NEK5: variants seen among roughly 807,000 people sequenced by gnomAD.
NEK5 encodes the protein NIMA related kinase 5.
In NEK5, 88 loss-of-function variants were observed where a neutral mutation model predicts 109.2. That is an observed-to-expected ratio of 0.81 (90% CI 0.68 to 0.96). The LOEUF is 0.96. NEK5 is among the 40% of genes least tolerant of loss of function. NEK5 has a pLI of 0.00. For synonymous variants in NEK5, 283 were observed against 299.9 expected, an observed-to-expected ratio of 0.94 and a Z score of 0.58; for missense variants, 834 against 920.7, an observed-to-expected ratio of 0.91 and a Z score of 1.22.
chr13:52,107,169 C>A (rs754574162), intron 8 of NEK5, among the ~76,000 whole-genome samples: 2 of 152,150 alleles, frequency 1.3e-5, no homozygotes, highest in Non-Finnish European at 2.9e-5. Context: ...AAGTTTGAAA[C>A]CTTCAGGTAA....
intron 17 of NEK5, among the ~76,000 whole-genome samples, chr13:52,078,364 C>G (rs1954905100): frequency 6.6e-6 from 1 of 152,138 alleles, no homozygotes; most frequent in African/African-American, 2.4e-5. Context: ...AACCAACCTA[C>G]AGCGACAGAA....
intron 13 of NEK5, among the ~76,000 whole-genome samples, chr13:52,089,654 G>C (rs943856015): frequency 6.6e-6 from 1 of 152,216 alleles, no homozygotes; most frequent in African/African-American, 2.4e-5. Context: ...AAGTTCTCAC[G>C]CTTTGTGTAG....
At chr13:52,063,117 T>C (rs1316243718) in intron 21 of NEK5, among the ~76,000 whole-genome samples, 1 of 152,066 alleles carries the variant, frequency 6.6e-6, no homozygotes, top group Non-Finnish European at 1.5e-5. Context: ...CTCCCTCTGA[T>C]GCCGAGCTGA....
rs145742801 is a variant in NEK5, at chr13:52,049,309, A to T, written c.2228+795T>A. 9.6e-3 allele frequency among the ~76,000 whole-genome samples: 1,468 copies of T among 152,180 alleles called. 16 individuals carry two copies. Among genetic ancestry groups the T allele is most frequent in the Non-Finnish European group, 0.016 (1,057 of 68,000 alleles). ...CATGGTGGCATGTGCCTGTGGTCCC[A>T]GCTACTTGGGAGGCTGAGGTGGGAG... On this transcript the variant is annotated intron_variant, in intron 23 of 23. Coordinates refer to ENST00000684899, the MANE Select transcript of NEK5 (RefSeq NM_001365552.1).
intron 21 of NEK5, among the ~76,000 whole-genome samples, chr13:52,062,747 A>G (rs975942285): frequency 6.6e-6 from 1 of 152,186 alleles, no homozygotes; most frequent in African/African-American, 2.4e-5. Flanking sequence ...AGGAAAGGCT[A>G]TGTGAGAGGT....
intron 20 of NEK5, among the ~76,000 whole-genome samples, chr13:52,070,534 G>A (rs554860670): frequency 8.5e-5 from 13 of 152,288 alleles, no homozygotes; most frequent in African/African-American, 3.1e-4. Context: ...GTTTTAAAAA[G>A]AGGAGTTCCT....
rs1954491592 is a variant in NEK5, at chr13:52,050,124, T to C, written c.2208A>G (p.Pro736=). 2 of 984,088 alleles carry C rather than the reference T, an allele frequency of 2.0e-6. No individual in the cohort carries two copies. The highest frequency in any genetic ancestry group is 2.4e-6 in the Non-Finnish European group (2 of 828,416). The allele number at this position is 984,088 out of a possible 1,614,324, so 61.0% of individuals were successfully genotyped here. Residue 736 remains proline (P), a synonymous_variant, in exon 23 of 24, where the codon CCA becomes CCG. Transcript: ENST00000684899. ...GIEVDEEQLE[P]RSDDDDTNFE... ...CTTACGTATCATCATCATCAGATCT[T>C]GGTTCTAGTTGTTCCTCATCTACTT...
At chr13:52,101,235 A>C (rs943240884) in intron 11 of NEK5, among the ~76,000 whole-genome samples, 1 of 151,964 alleles carries the variant, frequency 6.6e-6, no homozygotes, top group Non-Finnish European at 1.5e-5. Flanking sequence ...CGTCTCTACT[A>C]AAAAAATACA....
At chr13:52,059,803 G>T (rs573387700) in intron 22 of NEK5, among the ~76,000 whole-genome samples, 1 of 151,240 alleles carries the variant, frequency 6.6e-6, no homozygotes, top group African/African-American at 2.4e-5. Flanking sequence ...GGGGCCTGTT[G>T]TGGGGTGGGG....
intron 21 of NEK5, among the ~76,000 whole-genome samples, chr13:52,063,914 C>T (rs1954639324): frequency 6.6e-6 from 1 of 151,568 alleles, no homozygotes; most frequent in African/African-American, 2.4e-5. Flanking sequence ...GGGTCAGCCC[C>T]TGCCAGGCCA....
chr13:52,072,017 C>T lies in NEK5; in HGVS notation c.1776G>A (p.Lys592=). 1 of 1,611,014 alleles carries T rather than the reference C, an allele frequency of 6.2e-7. No homozygotes were observed. Among genetic ancestry groups the T allele is most frequent in the Non-Finnish European group, 8.5e-7 (1 of 1,177,292 alleles). ...TLTFEDGMKF[K]EYECVKEHGD... Reference sequence around the variant, plus strand: ...CATGCTCCTTTACACATTCATATTCCTTAAACTTCATGCCATCCTCAAAGG... The same window carrying T: ...CATGCTCCTTTACACATTCATATTCTTTAAACTTCATGCCATCCTCAAAGG... Residue 592 remains lysine, a synonymous_variant, in exon 20 of 24, where the codon AAG becomes AAA. Transcript: ENST00000684899.
rs541598051 is a variant in NEK5 at position 52,127,056 on chromosome 13, T to A, written c.117+310A>T. Among the ~76,000 whole-genome samples the A allele has an allele frequency of 2.2e-4, 33 of 151,840 alleles. No homozygotes were observed. In the South Asian group the frequency reaches 3.1e-3, roughly 14 times the overall value. On this transcript the variant is annotated intron_variant, in intron 3 of 23. Transcript: ENST00000684899. The stretch of plus-strand genomic sequence containing the variant: ...TTCTTTTCTATTTTCATTAAAAAAA[T>A]TTTTTTTTAGCAGGGACAGGGTCTT...
chr13:52,063,489 C>T (rs1210664964), intron 21 of NEK5, among the ~76,000 whole-genome samples: 7 of 151,996 alleles, frequency 4.6e-5, no homozygotes, highest in African/African-American at 1.4e-4. Flanking sequence ...TCTGCCCGGC[C>T]GCCACCCCGT....
intron 1 of NEK5, among the ~76,000 whole-genome samples, chr13:52,128,546 G>C (rs1253605824): frequency 1.3e-5 from 2 of 152,184 alleles, no homozygotes; most frequent in Admixed American, 6.5e-5. Context: ...CAGGGGGCTT[G>C]TTTTCGAATA....
chr13:52,060,621 C>T (rs993259019), intron 22 of NEK5, among the ~76,000 whole-genome samples: 1 of 152,156 alleles, frequency 6.6e-6, no homozygotes, highest in African/African-American at 2.4e-5. Flanking sequence ...GCCGGGATTA[C>T]AGGCATAAGC....
rs9563092 is a variant in NEK5 at position 52,118,481 on chromosome 13, G to A, written c.214+838C>T. Among the ~76,000 whole-genome samples, 178 of 152,326 alleles carry A rather than the reference G, an allele frequency of 1.2e-3. 3 individuals carry two copies. In the East Asian group the frequency reaches 0.03, roughly 26 times the overall value. On this transcript the variant is annotated intron_variant, in intron 4 of 23. Transcript: ENST00000684899. ...GACACCTAGAACAATGCCTGGCATA[G>A]AGTAAGCACTCAATAAGTATCAGTT...
At position 52,086,161 on chromosome 13, in the gene NEK5, T is replaced by C. The variant is rs931442971; in HGVS notation, c.1479+116A>G. 5.9e-5 allele frequency: 44 copies of C among 744,948 alleles called. 1 individual carries two copies. In the South Asian group the frequency reaches 6.8e-4, roughly 11 times the overall value. The allele number at this position is 744,948 out of a possible 1,614,324, so 46.1% of individuals were successfully genotyped here. On this transcript the variant is annotated intron_variant, in intron 16 of 23. Transcript: ENST00000684899. ...CTATTAAAAAAGAAGTCTACATGAT[T>C]ATCTCTATGATAAAACTTTATCTTT...
intron 3 of NEK5, among the ~76,000 whole-genome samples, chr13:52,120,444 T>C (rs1168208394): frequency 2.6e-5 from 4 of 151,682 alleles, no homozygotes; most frequent in African/African-American, 4.8e-5. Context: ...GTACCATATA[T>C]GACAAATATA....
chr13:52,038,300 A>G (rs1313991290), intron 23 of NEK5, among the ~76,000 whole-genome samples: 1 of 149,780 alleles, frequency 6.7e-6, no homozygotes, highest in Non-Finnish European at 1.5e-5. Flanking sequence ...CCAGCCTGGG[A>G]GACAGAGCGA....
Sources: allele counts gnomAD v4.1 joint callset (sites outside exome capture counted in the v4.1 genomes callset), GRCh38; gene constraint gnomAD v4.1.1; transcripts MANE v1.5; gene names NCBI Gene and HGNC (gene_info 2026-07-23, HGNC 2026-07-21).